Variants in SYNGR4 observed in about 807,000 individuals in gnomAD.
SYNGR4 encodes synaptogyrin 4, also known as synaptogyrin-4.
Under a neutral mutation model 15.5 loss-of-function variants are expected in SYNGR4, and 15 were observed. The ratio of observed to expected loss-of-function variants is 0.97; its 90% CI spans 0.65 to 1.49. The LOEUF (loss-of-function observed/expected upper bound fraction) is 1.49, where lower values mean the gene tolerates loss of function less well. Among genes scored for constraint, SYNGR4 ranks in the 40% most tolerant of loss-of-function variants. The pLI is 0.00. For missense variants in SYNGR4, 292 were observed against 299.3 expected (o/e 0.98, Z 0.18); for synonymous variants, 121 against 127.4 (o/e 0.95, Z 0.34).
intron 2 of SYNGR4, among the ~76,000 whole-genome samples, chr19:48,371,578 A>ATTTTTTT (rs34660677): frequency 1.4e-5 from 2 of 141,902 alleles, no homozygotes; most frequent in African/African-American, 5.2e-5. Context: ...TGACCAGCTG[A>ATTTTTTT]TTTTTTTTTT....
chr19:48,366,385 A>G (rs770372552), intron 2 of SYNGR4, among the ~76,000 whole-genome samples: 2 of 149,468 alleles, frequency 1.3e-5, no homozygotes, highest in Non-Finnish European at 3.0e-5. Context: ...GCCAGACTCC[A>G]TCTCAAAAAA....
intron 2 of SYNGR4, among the ~76,000 whole-genome samples, chr19:48,371,935 A>G (rs1352954050): frequency 6.6e-6 from 1 of 151,420 alleles, no homozygotes; most frequent in Non-Finnish European, 1.5e-5. Flanking sequence ...GCTGGAGTGC[A>G]GTGGCATGAT....
rs76854416 is a variant in SYNGR4 at position 48,367,982 on chromosome 19, C to T, written c.93+2047C>T. 8.8e-3 allele frequency among the ~76,000 whole-genome samples: 1,347 copies of T among 152,302 alleles called. 28 individuals are homozygous for T. The highest frequency in any genetic ancestry group is 0.031 in the African/African-American group (1,275 of 41,550). ...CGGCTCAGACCCAGGGTCTCCACCCCCAGAGTGCTAATCCAGAGTATCTCC... is the reference window on the plus strand; with the variant it reads ...CGGCTCAGACCCAGGGTCTCCACCCTCAGAGTGCTAATCCAGAGTATCTCC... On this transcript the variant is annotated intron_variant, in intron 2 of 4. Transcript: ENST00000344846.
intron 2 of SYNGR4, among the ~76,000 whole-genome samples, chr19:48,366,603 G>A (rs1170097112): frequency 1.3e-5 from 2 of 151,744 alleles, no homozygotes; most frequent in South Asian, 2.1e-4. Flanking sequence ...ATGGGGTTTC[G>A]CCATGTTGGC....
In SYNGR4 at chr19:48,376,190, C is replaced by A; in HGVS notation, c.577C>A (p.Pro193Thr). 6.2e-7 allele frequency: 1 copy of A among 1,614,176 alleles called. No homozygotes were observed. The highest frequency in any genetic ancestry group is 8.5e-7 in the Non-Finnish European group (1 of 1,180,036). The change falls in exon 5 of 5, where the codon CCC (proline) becomes ACC (threonine). Residue 193 changes from proline to threonine, a missense_variant. By Grantham distance (38) the Pro-to-Thr change is conservative (BLOSUM62 -1). Transcript: ENST00000344846. ...CATGGTGCTGACCACCCTCCCCTTG[C>A]CCTCTGCCAACAGCCCTGTGAACAT... ...GGMVLTTLPLPSANSPVNMPT... is the reference protein window; with the variant it reads ...GGMVLTTLPLTSANSPVNMPT...
In SYNGR4 at chr19:48,376,371, A is replaced by T. The variant is rs1426545815; in HGVS notation, c.*53A>T. On this transcript the variant is annotated 3_prime_UTR_variant, in exon 5 of 5. Transcript: ENST00000344846. ...GAATCCTCCCTCCAGAAGGGTTTCT[A>T]AAAACAGCCCTCAGTCCTTCTCATG... 1.3e-6 allele frequency: 2 copies of T among 1,579,860 alleles called. No individual in the cohort carries two copies. The highest frequency in any genetic ancestry group is 1.7e-6 in the Non-Finnish European group (2 of 1,165,064).
intron 3 of SYNGR4, among the ~76,000 whole-genome samples, chr19:48,374,531 G>C (rs900665712): frequency 1.3e-5 from 2 of 152,152 alleles, no homozygotes; most frequent in Non-Finnish European, 2.9e-5. Context: ...CTCCCTACTG[G>C]GCCAGTCCCA....
chr19:48,375,627 G>A lies in SYNGR4; in HGVS notation c.346G>A (p.Val116Ile), dbSNP rs764943225. ...DFILAVLWAV[V>I]WFMGFCFLAN... ...TGACGCCACAGTTCTCTGGGCAGTT[G>A]TCTGGTTCATGGGTTTCTGCTTCCT... The change falls in exon 4 of 5, where the codon GTC (valine) becomes ATC (isoleucine). Residue 116 changes from valine (V) to isoleucine (I), a missense_variant. Physicochemically the swap from Val to Ile is conservative, Grantham distance 29. Coordinates refer to ENST00000344846, the MANE Select transcript of SYNGR4 (RefSeq NM_012451.4). The A allele has an allele frequency of 6.2e-7, 1 of 1,613,710 alleles. No homozygotes were observed.
chr19:48,374,091 T>C (rs1335692516), intron 3 of SYNGR4, among the ~76,000 whole-genome samples: 1 of 149,450 alleles, frequency 6.7e-6, no homozygotes, highest in Non-Finnish European at 1.5e-5. Flanking sequence ...TTTTTTTTTT[T>C]TTTTTGAGAT....
At chr19:48,366,262 C>T (rs1970219865) in intron 2 of SYNGR4, among the ~76,000 whole-genome samples, 1 of 151,814 alleles carries the variant, frequency 6.6e-6, no homozygotes, top group Non-Finnish European at 1.5e-5. Flanking sequence ...TAGTGGCACA[C>T]ACCTGTAATC....
intron 1 of SYNGR4, among the ~76,000 whole-genome samples, chr19:48,364,753 A>C (rs1302422407): frequency 1.3e-5 from 2 of 151,936 alleles, no homozygotes; most frequent in African/African-American, 2.4e-5. Context: ...CCAAACCTGA[A>C]AGGGATTATT....
intron 3 of SYNGR4, 59 bp downstream of exon 3, chr19:48,373,813 G>T: frequency 6.4e-7 from 1 of 1,551,652 alleles, no homozygotes. Context: ...AGCCCTCCTG[G>T]CTCCCCAGGG....
At position 48,376,332 on chromosome 19, in the gene SYNGR4, A is replaced by G. The variant is rs751216151; in HGVS notation, c.*14A>G. ...CCTGACAACTAAATATCCTTATCCA[A>G]ATCAATAAAGAGAGAATCCTCCCTC... On this transcript the variant is annotated 3_prime_UTR_variant, in exon 5 of 5. Coordinates refer to ENST00000344846, the MANE Select transcript of SYNGR4 (RefSeq NM_012451.4). 7 of 1,611,500 alleles carry G rather than the reference A, an allele frequency of 4.3e-6. No individual in the cohort carries two copies. In the South Asian group the frequency reaches 6.6e-5, roughly 15 times the overall value.
At position 48,365,278 on chromosome 19, in the gene SYNGR4, A is replaced by AC. The variant is rs376485099; in HGVS notation, c.-107-453dup. ...ACCACACACAACCCCATTCCTGGGA[A>AC]CCCCCAGCACCCGCATCCTATGTCC... On this transcript the variant is annotated intron_variant, in intron 1 of 4. Coordinates refer to ENST00000344846, the MANE Select transcript of SYNGR4 (RefSeq NM_012451.4). Among the ~76,000 whole-genome samples the AC allele has an allele frequency of 7.5e-4, 71 of 94,132 alleles. 2 individuals carry two copies. The highest frequency in any genetic ancestry group is 1.2e-3 in the Non-Finnish European group (59 of 50,080). The allele number at this position is 94,132 out of a possible 152,430, so 61.8% of individuals were successfully genotyped here.
rs776476603 is a variant in SYNGR4, at chr19:48,370,402, G to T, written c.94-3115G>T. 2.2e-4 allele frequency among the ~76,000 whole-genome samples: 33 copies of T among 152,090 alleles called. 1 individual carries two copies. Among genetic ancestry groups the T allele is most frequent in the Admixed American group, 4.6e-4 (7 of 15,272 alleles). On this transcript the variant is annotated intron_variant, in intron 2 of 4. Coordinates refer to ENST00000344846, the MANE Select transcript of SYNGR4 (RefSeq NM_012451.4). Reference sequence around the variant, plus strand: ...GGAGGCTGAGGTGGGAGGATTGCTTGAGCCCAGGAGGTCGAGGCTGCAGTG... The same window carrying T: ...GGAGGCTGAGGTGGGAGGATTGCTTTAGCCCAGGAGGTCGAGGCTGCAGTG...
At chr19:48,366,829 CA>C (rs2147401574) in intron 2 of SYNGR4, among the ~76,000 whole-genome samples, 1 of 152,238 alleles carries the variant, frequency 6.6e-6, no homozygotes, top group Non-Finnish European at 1.5e-5. Context: ...TTTAGGTGCT[CA>C]ACAGCCACAT....
chr19:48,365,345 T>TCA (rs1970185891), intron 1 of SYNGR4, among the ~76,000 whole-genome samples: 1 of 59,996 alleles, frequency 1.7e-5, no homozygotes, highest in Non-Finnish European at 3.0e-5. Context: ...ACACAACACC[T>TCA]TTCCTGGGAC....
At chr19:48,366,181 G>C (rs1363407969) in intron 2 of SYNGR4, among the ~76,000 whole-genome samples, 4 of 152,134 alleles carry the variant, frequency 2.6e-5, no homozygotes, top group African/African-American at 9.6e-5. Context: ...CCATCTCTGA[G>C]ATAACAAAAC....
intron 4 of SYNGR4, 148 bp downstream of exon 4, chr19:48,375,900 G>C: frequency 6.6e-7 from 1 of 1,510,536 alleles, no homozygotes; most frequent in African/African-American, 1.4e-5. Flanking sequence ...TCCCTTCCAG[G>C]TGCCGCTTCC....
Sources: allele counts gnomAD v4.1 joint callset (sites outside exome capture counted in the v4.1 genomes callset), GRCh38; gene constraint gnomAD v4.1.1; transcripts MANE v1.5; gene names NCBI Gene and HGNC (gene_info 2026-07-23, HGNC 2026-07-21).